The following SCN11A variants were observed in gnomAD, a reference collection of about 807,000 sequenced individuals.
The protein encoded by SCN11A is sodium voltage-gated channel alpha subunit 11.
In SCN11A, 122 loss-of-function variants were observed where a neutral mutation model predicts 162.2. That is an observed-to-expected ratio of 0.75 (90% confidence interval 0.65 to 0.87). The LOEUF (loss-of-function observed/expected upper bound fraction) is 0.87. Ranked by LOEUF, SCN11A falls within the 40% of genes least tolerant of loss-of-function variation. SCN11A has a pLI of 0.00. For synonymous variants in SCN11A, 758 were observed against 751.5 expected (o/e 1.01, Z -0.14); for missense variants, 2,015 against 2,181.6 (o/e 0.92, Z 1.52).
intron 2 of SCN11A, among the ~76,000 whole-genome samples, chr3:39,008,130 C>A (rs2031027001): frequency 6.6e-6 from 1 of 152,210 alleles, no homozygotes; most frequent in Non-Finnish European, 1.5e-5. Context: ...ACTAAAAGTT[C>A]TCTGAATGTA....
At chr3:38,951,515 G>A (rs989304240) in intron 4 of SCN11A, among the ~76,000 whole-genome samples, 4 of 152,242 alleles carry the variant, frequency 2.6e-5, no homozygotes, top group South Asian at 2.1e-4. Context: ...CCCATCGACC[G>A]CCCAAGGGCT....
intron 2 of SCN11A, among the ~76,000 whole-genome samples, chr3:39,001,605 C>G (rs540496745): frequency 2.0e-5 from 3 of 152,070 alleles, no homozygotes; most frequent in East Asian, 1.9e-4. Flanking sequence ...CTTACTTTTA[C>G]GTCTTTCATC....
At position 38,886,192 on chromosome 3, in the gene SCN11A, ACT is replaced by A. The variant is rs1413225618; in HGVS notation, c.2880_2881del (p.Arg960SerfsTer7). On this transcript the variant is annotated frameshift_variant, in exon 20 of 30. Coordinates refer to ENST00000302328, the MANE Select transcript of SCN11A (RefSeq NM_001349253.2). LOFTEE classifies it high-confidence loss of function. The stretch of plus-strand genomic sequence containing the variant: ...GAACATGTCAATTTCCACACTTTGA[ACT>A]CTCTGGCTCGTGGGCTTCTTGTTCT... 6.2e-7 allele frequency: 1 copy of A among 1,612,712 alleles called. No homozygotes were observed. The highest frequency in any genetic ancestry group is 8.5e-7 in the Non-Finnish European group (1 of 1,179,752).
intron 2 of SCN11A, among the ~76,000 whole-genome samples, chr3:38,974,510 A>G (rs1165762540): frequency 2.0e-5 from 3 of 152,022 alleles, no homozygotes; most frequent in African/African-American, 7.2e-5. Flanking sequence ...CCTGGCTAAC[A>G]CGGTGAAACC....
At chr3:38,885,884 C>T (rs2065389369) in intron 20 of SCN11A, among the ~76,000 whole-genome samples, 1 of 152,156 alleles carries the variant, frequency 6.6e-6, no homozygotes, top group African/African-American at 2.4e-5. Flanking sequence ...GCATCAAATG[C>T]ATAGAGGCCA....
intron 2 of SCN11A, among the ~76,000 whole-genome samples, chr3:38,971,609 G>C (rs1281662083): frequency 6.6e-6 from 1 of 152,130 alleles, no homozygotes; most frequent in Admixed American, 6.5e-5. Flanking sequence ...ATTCAGAACT[G>C]GTTCAAGTCC....
At chr3:38,969,902 A>G (rs550439266) in intron 2 of SCN11A, among the ~76,000 whole-genome samples, 44 of 152,110 alleles carry the variant, frequency 2.9e-4, no homozygotes, top group Non-Finnish European at 5.1e-4. Flanking sequence ...AAACCCCCCA[A>G]TCTACCTCCC....
Position 38,995,807 on chromosome 3 carries a change from A to ATCTGTCTGTCTG in SCN11A, c.-279-35385_-279-35384insCAGACAGACAGA, listed in dbSNP as rs1553648581. Among the ~76,000 whole-genome samples, 309 of 145,498 alleles carry ATCTGTCTGTCTG rather than the reference A, an allele frequency of 2.1e-3. 1 individual carries two copies. The highest frequency in any genetic ancestry group is 8.0e-3 in the African/African-American group (293 of 36,496). ...ATTTCTCACAATAAATTGTCTATCT[A>ATCTGTCTGTCTG]TCTATCTATCTGTCTATCTATCTAT... On this transcript the variant is annotated intron_variant, in intron 2 of 29. Transcript: ENST00000302328.
chr3:38,933,493 G>C (rs1204942234), intron 7 of SCN11A, among the ~76,000 whole-genome samples: 5 of 152,290 alleles, frequency 3.3e-5, no homozygotes, highest in South Asian at 4.2e-4. Context: ...TTAGACGAAA[G>C]TATAACTAGA....
chr3:38,992,040 C>T (rs575515168), intron 2 of SCN11A, among the ~76,000 whole-genome samples: 1 of 152,188 alleles, frequency 6.6e-6, no homozygotes, highest in South Asian at 2.1e-4. Flanking sequence ...AACTCCTGAC[C>T]TCAGGTGATC....
chr3:39,030,732 A>G (rs1472967949), intron 2 of SCN11A, among the ~76,000 whole-genome samples: 1 of 152,196 alleles, frequency 6.6e-6, no homozygotes, highest in Non-Finnish European at 1.5e-5. Flanking sequence ...CCTACCACAC[A>G]CACACACAAA....
intron 2 of SCN11A, among the ~76,000 whole-genome samples, chr3:38,975,770 A>C (rs1271494314): frequency 6.6e-6 from 1 of 152,234 alleles, no homozygotes; most frequent in Non-Finnish European, 1.5e-5. Context: ...TATATGAGAT[A>C]CCTAGCAATT....
rs1166738386 is a variant in SCN11A, at chr3:38,907,994, T to C, written c.1428A>G (p.Lys476=). 6.2e-7 allele frequency: 1 copy of C among 1,611,080 alleles called. No individual in the cohort carries two copies. The highest frequency in any genetic ancestry group is 2.2e-5 in the East Asian group (1 of 44,864). The part of the protein sequence containing the change: ...RKSFFLRESG[K]DQPPGSDSDE... ...CAGAATCTGACCCAGGAGGCTGGTC[T>C]TTCCCAGACTCTCTCAAAAAGAAGG... The change falls in exon 14 of 30, where the codon AAA becomes AAG. Residue 476 remains lysine, a synonymous_variant. Coordinates refer to ENST00000302328, the MANE Select transcript of SCN11A (RefSeq NM_001349253.2).
intron 28 of SCN11A, among the ~76,000 whole-genome samples, chr3:38,855,205 C>A (rs547411852): frequency 1.3e-5 from 2 of 152,300 alleles, no homozygotes; most frequent in African/African-American, 2.4e-5. Flanking sequence ...GCAAGACCAG[C>A]CTCACCAACT....
At chr3:39,021,353 C>T (rs2031445270) in intron 2 of SCN11A, among the ~76,000 whole-genome samples, 1 of 152,088 alleles carries the variant, frequency 6.6e-6, no homozygotes, top group Non-Finnish European at 1.5e-5. Context: ...TTTTAGTTTG[C>T]TTAGGAACTC....
At chr3:38,910,297 G>A in intron 11 of SCN11A, 90 bp from the exon 12 acceptor site, 4 of 1,333,226 alleles carry the variant, frequency 3.0e-6, no homozygotes, top group Non-Finnish European at 4.2e-6. Context: ...TCCAAGGGCT[G>A]TGGGATCACA....
chr3:38,886,115 G>A lies in SCN11A; in HGVS notation c.2949+10C>T, dbSNP rs925931062. On this transcript the variant is annotated intron_variant, in intron 20 of 29. Transcript: ENST00000302328. ...CACAAGTTCCTCTGACAACATCCTA[G>A]GAAAATTACCTTTCGGGGATCCTGT... 1 of 1,582,858 alleles carries A rather than the reference G, an allele frequency of 6.3e-7. No homozygotes were observed. The highest frequency in any genetic ancestry group is 8.7e-7 in the Non-Finnish European group (1 of 1,153,080).
At chr3:38,961,412 A>G (rs1041214065) in intron 2 of SCN11A, among the ~76,000 whole-genome samples, 2 of 152,178 alleles carry the variant, frequency 1.3e-5, no homozygotes, top group African/African-American at 4.8e-5. Context: ...TTCTCCCCCT[A>G]CTAAGCCAAC....
At chr3:38,928,783 T>C (rs1205113525) in intron 7 of SCN11A, among the ~76,000 whole-genome samples, 2 of 152,058 alleles carry the variant, frequency 1.3e-5, no homozygotes, top group Non-Finnish European at 2.9e-5. Flanking sequence ...AAACCTAAAA[T>C]AACAAGTGTT....
Sources: allele counts gnomAD v4.1 joint callset (sites outside exome capture counted in the v4.1 genomes callset), GRCh38; gene constraint gnomAD v4.1.1; transcripts MANE v1.5; gene names NCBI Gene and HGNC (gene_info 2026-07-23, HGNC 2026-07-21).